CDKAL1: variants seen among roughly 807,000 people sequenced by gnomAD.
CDKAL1 encodes CDKAL1 threonylcarbamoyladenosine tRNA methylthiotransferase, also known as threonylcarbamoyladenosine tRNA methylthiotransferase.
CDKAL1 carries 32 observed loss-of-function variants against 68.2 expected under a neutral mutation model. The observed-to-expected ratio is 0.47, with a 90% CI of 0.35 to 0.63. The LOEUF (loss-of-function observed/expected upper bound fraction) is 0.63, where lower values mean the gene tolerates loss of function less well. Ranked by LOEUF, CDKAL1 falls within the 30% of genes least tolerant of loss-of-function variation. CDKAL1 has a pLI of 0.00. For missense variants in CDKAL1, 606 were observed against 696.7 expected (o/e 0.87, Z 1.47); for synonymous variants, 234 against 244.3 (o/e 0.96, Z 0.39).
At chr6:21,144,832 TAAA>T (rs758440140) in intron 13 of CDKAL1, among the ~76,000 whole-genome samples, 12 of 151,406 alleles carry the variant, frequency 7.9e-5, no homozygotes, top group African/African-American at 1.2e-4. Context: ...AACAAACAAA[TAAA>T]AAAGATGAGA....
intron 4 of CDKAL1, among the ~76,000 whole-genome samples, chr6:20,639,596 T>C (rs1768071008): frequency 6.6e-6 from 1 of 152,232 alleles, no homozygotes; most frequent in African/African-American, 2.4e-5. Flanking sequence ...TGCTGAGCAT[T>C]GTGTAAGTCC....
chr6:20,921,399 C>G lies in CDKAL1; in HGVS notation c.743-34020C>G, dbSNP rs116059792. 8.0e-3 allele frequency among the ~76,000 whole-genome samples: 1,220 copies of G among 152,168 alleles called. 12 individuals are homozygous for G. Among genetic ancestry groups the G allele is most frequent in the African/African-American group, 0.028 (1,143 of 41,498 alleles). On this transcript the variant is annotated intron_variant, in intron 9 of 15. Transcript: ENST00000274695. ...AGCCAAGTGCACCACTGCACTCCAC[C>G]CTGGGAGGCTGAGCAAGACTCCGTC...
chr6:20,608,453 C>G (rs1766431619), intron 4 of CDKAL1, among the ~76,000 whole-genome samples: 1 of 152,090 alleles, frequency 6.6e-6, no homozygotes, highest in African/African-American at 2.4e-5. Context: ...CAAAAATAAA[C>G]AAGTAAATAA....
chr6:20,735,688 G>A (rs975560952), intron 5 of CDKAL1, among the ~76,000 whole-genome samples: 4 of 151,890 alleles, frequency 2.6e-5, no homozygotes, highest in Non-Finnish European at 4.4e-5. Flanking sequence ...ATAAGCTTTC[G>A]CCTATTTCAT....
At chr6:20,782,019 T>TTC (rs1216943055) in intron 8 of CDKAL1, among the ~76,000 whole-genome samples, 2 of 152,192 alleles carry the variant, frequency 1.3e-5, no homozygotes, top group Non-Finnish European at 2.9e-5. Context: ...TATTTGAAAT[T>TTC]GTTTTCCTTC....
intron 10 of CDKAL1, among the ~76,000 whole-genome samples, chr6:20,996,783 G>T (rs1767138598): frequency 6.6e-6 from 1 of 152,160 alleles, no homozygotes; most frequent in Non-Finnish European, 1.5e-5. Context: ...ACACAGGGTT[G>T]CCACAAACCT....
chr6:20,542,493 G>A (rs955069190), intron 2 of CDKAL1, among the ~76,000 whole-genome samples: 1 of 152,178 alleles, frequency 6.6e-6, no homozygotes, highest in Non-Finnish European at 1.5e-5. Flanking sequence ...AATGGTTGAT[G>A]AGATGACCCT....
intron 11 of CDKAL1, among the ~76,000 whole-genome samples, chr6:21,056,937 A>C (rs953436546): frequency 2.6e-5 from 4 of 152,254 alleles, no homozygotes; most frequent in Admixed American, 2.6e-4. Flanking sequence ...TATTTTATTG[A>C]GGATTTTTGC....
At chr6:20,547,501 C>G (rs945149316) in intron 3 of CDKAL1, among the ~76,000 whole-genome samples, 1 of 152,050 alleles carries the variant, frequency 6.6e-6, no homozygotes, top group African/African-American at 2.4e-5. Flanking sequence ...TAGTAGATCT[C>G]TAGTCCGTGA....
At chr6:20,901,034 T>C (rs1320720134) in intron 9 of CDKAL1, among the ~76,000 whole-genome samples, 1 of 152,188 alleles carries the variant, frequency 6.6e-6, no homozygotes, top group Non-Finnish European at 1.5e-5. Context: ...CATGTATTAT[T>C]ATATGAACAT....
At chr6:20,899,002 A>T (rs551667452) in intron 9 of CDKAL1, among the ~76,000 whole-genome samples, 1 of 151,926 alleles carries the variant, frequency 6.6e-6, no homozygotes, top group East Asian at 1.9e-4. Flanking sequence ...TTATATGACT[A>T]ACTCTAGTGA....
intron 9 of CDKAL1, among the ~76,000 whole-genome samples, chr6:20,936,417 A>AT (rs1223091043): frequency 2.9e-4 from 44 of 150,416 alleles, no homozygotes; most frequent in African/African-American, 1.1e-3. Flanking sequence ...CGCCCGGCTA[A>AT]TTTTTTGTAT....
At position 20,648,440 on chromosome 6, in the gene CDKAL1, G is replaced by A. The variant is rs74895399; in HGVS notation, c.287-853G>A. ...ACTGCGCCCGGTAGAATTTTTTGGC[G>A]TGTGTGCCAAGTTACCAGAAACTCT... On this transcript the variant is annotated intron_variant, in intron 4 of 15. Transcript: ENST00000274695. Among the ~76,000 whole-genome samples, 1,283 of 148,014 alleles carry A rather than the reference G, an allele frequency of 8.7e-3. 20 individuals carry two copies. The highest frequency in any genetic ancestry group is 0.026 in the African/African-American group (1,016 of 39,754).
At chr6:20,999,744 C>T (rs1488684452) in intron 10 of CDKAL1, among the ~76,000 whole-genome samples, 2 of 145,228 alleles carry the variant, frequency 1.4e-5, no homozygotes, top group Non-Finnish European at 3.0e-5. Context: ...ACAAATATGT[C>T]ATTTGTCTTG....
At chr6:21,077,632 A>G (rs1337875720) in intron 12 of CDKAL1, among the ~76,000 whole-genome samples, 1 of 152,222 alleles carries the variant, frequency 6.6e-6, no homozygotes, top group African/African-American at 2.4e-5. Context: ...GGGAAGTGCT[A>G]TACACTTTTA....
intron 4 of CDKAL1, among the ~76,000 whole-genome samples, chr6:20,631,307 C>T (rs1236986115): frequency 6.6e-6 from 1 of 152,112 alleles, no homozygotes; most frequent in Non-Finnish European, 1.5e-5. Context: ...TTTCATGCAT[C>T]TACAATAGCT....
At chr6:21,096,153 C>T (rs764315503) in intron 12 of CDKAL1, among the ~76,000 whole-genome samples, 55 of 152,130 alleles carry the variant, frequency 3.6e-4, no homozygotes, top group Non-Finnish European at 6.9e-4. Flanking sequence ...CAATAACTGG[C>T]ACAGAACAAT....
intron 8 of CDKAL1, among the ~76,000 whole-genome samples, chr6:20,824,364 A>G (rs1448701131): frequency 2.0e-5 from 3 of 152,160 alleles, no homozygotes; most frequent in Non-Finnish European, 4.4e-5. Context: ...TCTGTGAGTC[A>G]ATAGCTCGGG....
At chr6:20,910,303 T>C (rs1008230860) in intron 9 of CDKAL1, among the ~76,000 whole-genome samples, 2 of 152,094 alleles carry the variant, frequency 1.3e-5, no homozygotes, top group African/African-American at 4.8e-5. Flanking sequence ...TAGGTAATGC[T>C]GCCTGACCTT....
Sources: gnomAD v4.1 joint callset for allele counts (sites outside exome capture counted in the v4.1 genomes callset) on GRCh38, gnomAD v4.1.1 for gene constraint, MANE v1.5 for transcripts, NCBI Gene and HGNC (gene_info 2026-07-23, HGNC 2026-07-21) for gene names.